CADM2: variants seen among roughly 807,000 people sequenced by gnomAD.
The protein encoded by CADM2 is cell adhesion molecule 2.
CADM2 carries 12 observed loss-of-function variants against 49.8 expected under a neutral mutation model. The ratio of observed to expected loss-of-function variants is 0.24; its 90% CI spans 0.15 to 0.39. The LOEUF (loss-of-function observed/expected upper bound fraction) is 0.39, where lower values mean the gene tolerates loss of function less well. Among genes scored for constraint, CADM2 ranks in the 10% least tolerant of loss-of-function variants. The pLI is 1.00. For missense variants in CADM2, 378 were observed against 492.3 expected, an observed-to-expected ratio of 0.77 and a Z score of 2.20; for synonymous variants, 214 against 175.4, an observed-to-expected ratio of 1.22 and a Z score of -1.74.
At position 85,550,603 on chromosome 3, in the gene CADM2, A is replaced by T. The variant is rs150328934; in HGVS notation, c.62-175919A>T. Among the ~76,000 whole-genome samples, 28 of 152,302 alleles carry T rather than the reference A, an allele frequency of 1.8e-4. No homozygotes were observed. In the East Asian group the frequency reaches 3.1e-3, roughly 17 times the overall value. On this transcript the variant is annotated intron_variant, in intron 1 of 9. Coordinates refer to ENST00000383699, the MANE Select transcript of CADM2 (RefSeq NM_001167675.2). ...CTAGTGGTAAATTAGCTCACCACAAATTAAAGAAATTTATTCTTTATATTT... is the reference window on the plus strand; with the variant it reads ...CTAGTGGTAAATTAGCTCACCACAATTTAAAGAAATTTATTCTTTATATTT...
At chr3:85,142,916 T>G (rs567410339) in intron 1 of CADM2, among the ~76,000 whole-genome samples, 5 of 152,322 alleles carry the variant, frequency 3.3e-5, no homozygotes, top group African/African-American at 1.2e-4. Flanking sequence ...AGATTGTATT[T>G]TGTGTGTTTG....
rs115582435 is a variant in CADM2 at position 85,984,387 on chromosome 3, C to T, written c.970+22740C>T. Among the ~76,000 whole-genome samples the T allele has an allele frequency of 3.3e-3, 498 of 151,200 alleles. 3 individuals carry two copies. The highest frequency in any genetic ancestry group is 0.011 in the African/African-American group (464 of 41,326). On this transcript the variant is annotated intron_variant, in intron 8 of 9. Coordinates refer to ENST00000383699, the MANE Select transcript of CADM2 (RefSeq NM_001167675.2). ...CATATAATTTTAATTTCATAATAAACCATGTCATAATCTAGTAATCTTTAG... is the reference window on the plus strand; with the variant it reads ...CATATAATTTTAATTTCATAATAAATCATGTCATAATCTAGTAATCTTTAG...
At chr3:85,355,500 G>T (rs2031780751) in intron 1 of CADM2, among the ~76,000 whole-genome samples, 2 of 152,006 alleles carry the variant, frequency 1.3e-5, no homozygotes, top group African/African-American at 4.8e-5. Flanking sequence ...TTTTTTAATA[G>T]AAGTTAACAA....
intron 1 of CADM2, among the ~76,000 whole-genome samples, chr3:85,370,194 C>A (rs1576433268): frequency 6.9e-6 from 1 of 145,310 alleles, no homozygotes; most frequent in Middle Eastern, 3.7e-3. Flanking sequence ...GCCTGGGACA[C>A]AAGAACGAAA....
intron 1 of CADM2, among the ~76,000 whole-genome samples, chr3:85,494,057 A>C (rs190729219): frequency 6.6e-6 from 1 of 152,268 alleles, no homozygotes; most frequent in East Asian, 1.9e-4. Flanking sequence ...AATACTTGTT[A>C]AATGCATCAA....
In CADM2 at chr3:85,162,943, CAT is replaced by C. The variant is rs150975766; in HGVS notation, c.61+203288_61+203289del. Reference sequence around the variant, plus strand: ...ATAGACATATTTTGAAGAAAATAGACATATATATATATATGACTATTGAAAGA... The same window carrying C: ...ATAGACATATTTTGAAGAAAATAGACATATATATATATGACTATTGAAAGA... On this transcript the variant is annotated intron_variant, in intron 1 of 9. Transcript: ENST00000383699. Among the ~76,000 whole-genome samples the C allele has an allele frequency of 3.2e-3, 474 of 150,266 alleles. 2 individuals carry two copies. Among genetic ancestry groups the C allele is most frequent in the African/African-American group, 9.4e-3 (388 of 41,066 alleles).
intron 2 of CADM2, among the ~76,000 whole-genome samples, chr3:85,754,696 CA>C (rs2107874429): frequency 6.6e-6 from 1 of 151,350 alleles, no homozygotes; most frequent in East Asian, 2.0e-4. Flanking sequence ...AATGTAAAAA[CA>C]AAAAGAAAAC....
intron 1 of CADM2, among the ~76,000 whole-genome samples, chr3:84,990,328 A>G (rs1205366010): frequency 1.3e-5 from 2 of 151,724 alleles, no homozygotes; most frequent in Non-Finnish European, 3.0e-5. Flanking sequence ...TGCTTGATCC[A>G]ATATATTTTT....
At chr3:85,038,365 G>A (rs541972277) in intron 1 of CADM2, among the ~76,000 whole-genome samples, 17 of 152,284 alleles carry the variant, frequency 1.1e-4, no homozygotes, top group African/African-American at 3.8e-4. Context: ...TCACATCCCA[G>A]AATATAACAA....
intron 1 of CADM2, among the ~76,000 whole-genome samples, chr3:85,183,975 C>A (rs2040994309): frequency 6.6e-6 from 1 of 151,940 alleles, no homozygotes; most frequent in African/African-American, 2.4e-5. Flanking sequence ...AGTTATATAG[C>A]AAAATGACAT....
At chr3:85,329,217 C>T (rs2044840512) in intron 1 of CADM2, among the ~76,000 whole-genome samples, 1 of 152,090 alleles carries the variant, frequency 6.6e-6, no homozygotes, top group Middle Eastern at 3.2e-3. Flanking sequence ...TCAGTTTGTC[C>T]TACTTTTTGG....
intron 1 of CADM2, among the ~76,000 whole-genome samples, chr3:85,573,960 T>A (rs1014418217): frequency 2.6e-5 from 4 of 152,148 alleles, no homozygotes; most frequent in Non-Finnish European, 4.4e-5. Context: ...AATTTCAGCT[T>A]CTGCTTACCC....
At chr3:86,063,343 G>A (rs1027778362) in intron 8 of CADM2, among the ~76,000 whole-genome samples, 2 of 152,186 alleles carry the variant, frequency 1.3e-5, no homozygotes, top group Non-Finnish European at 2.9e-5. Context: ...ATTAAACCAA[G>A]AATGGTATAC....
chr3:85,976,984 G>C (rs1726864459), intron 8 of CADM2, among the ~76,000 whole-genome samples: 1 of 151,304 alleles, frequency 6.6e-6, no homozygotes, highest in Non-Finnish European at 1.5e-5. Flanking sequence ...AAGAAATAAA[G>C]ATATGGTTTG....
chr3:85,289,448 C>A (rs72919295), intron 1 of CADM2, among the ~76,000 whole-genome samples: 10,013 of 152,204 alleles, frequency 0.066, 1,079 homozygotes, highest in African/African-American at 0.23. Flanking sequence ...TGACTCTATG[C>A]TTGCAATAGA....
chr3:85,967,106 A>G (rs1371084564), intron 8 of CADM2, among the ~76,000 whole-genome samples: 1 of 151,642 alleles, frequency 6.6e-6, no homozygotes, highest in Non-Finnish European at 1.5e-5. Context: ...AAAAACACTC[A>G]AAGACAGAAA....
chr3:85,489,788 CGTGT>C (rs765287422), intron 1 of CADM2, among the ~76,000 whole-genome samples: 7 of 143,510 alleles, frequency 4.9e-5, no homozygotes, highest in Admixed American at 2.8e-4. Context: ...AATTATTTAA[CGTGT>C]GTGTGTGTGT....
chr3:85,364,865 CCTACAACAACAA>C (rs563079014), intron 1 of CADM2, among the ~76,000 whole-genome samples: 1,750 of 89,048 alleles, frequency 0.02, 37 homozygotes, highest in African/African-American at 0.046. Context: ...TATGCTTGTT[CCTACAACAACAA>C]CAACAACAAC....
intron 1 of CADM2, among the ~76,000 whole-genome samples, chr3:85,259,594 AT>A (rs1408955180): frequency 6.6e-6 from 1 of 152,060 alleles, no homozygotes; most frequent in Non-Finnish European, 1.5e-5. Flanking sequence ...ATATGTACAT[AT>A]TTTTACTGCA....
Sources: allele counts gnomAD v4.1 joint callset (sites outside exome capture counted in the v4.1 genomes callset), GRCh38; gene constraint gnomAD v4.1.1; transcripts MANE v1.5; gene names NCBI Gene and HGNC (gene_info 2026-07-23, HGNC 2026-07-21).